PCCA: variants seen among roughly 807,000 people sequenced by gnomAD.
The protein encoded by PCCA is propionyl-CoA carboxylase alpha chain, mitochondrial.
PCCA carries 74 observed loss-of-function variants against 101.3 expected under a neutral mutation model. The observed-to-expected ratio is 0.73, with a 90% CI of 0.61 to 0.89. The LOEUF (loss-of-function observed/expected upper bound fraction) is 0.89. PCCA is among the 40% of genes least tolerant of loss of function. The pLI, the probability that PCCA is intolerant of heterozygous loss-of-function variation, is 0.00. For missense variants in PCCA, 891 were observed against 907.0 expected (o/e 0.98, Z 0.23); for synonymous variants, 294 against 313.6 (o/e 0.94, Z 0.66).
intron 4 of PCCA, among the ~76,000 whole-genome samples, chr13:100,141,973 T>C (rs934022537): frequency 6.6e-6 from 1 of 152,212 alleles, no homozygotes; most frequent in Non-Finnish European, 1.5e-5. Flanking sequence ...TAAATGGAAT[T>C]AGGAACTAAT....
chr13:100,424,338 C>G (rs2079007459), intron 19 of PCCA, among the ~76,000 whole-genome samples: 1 of 152,056 alleles, frequency 6.6e-6, no homozygotes, highest in Non-Finnish European at 1.5e-5. Flanking sequence ...AACCCGCCTC[C>G]CATGGATTCC....
intron 19 of PCCA, among the ~76,000 whole-genome samples, chr13:100,382,897 A>G (rs1343255326): frequency 6.6e-6 from 1 of 152,160 alleles, no homozygotes; most frequent in Non-Finnish European, 1.5e-5. Flanking sequence ...AACCAGTTAA[A>G]TCTATGAGAA....
At chr13:100,443,858 A>G (rs2080562753) in intron 20 of PCCA, among the ~76,000 whole-genome samples, 1 of 152,134 alleles carries the variant, frequency 6.6e-6, no homozygotes, top group African/African-American at 2.4e-5. Context: ...TGCTTAGCAC[A>G]TCAGGCTCCT....
intron 12 of PCCA, among the ~76,000 whole-genome samples, chr13:100,298,747 C>T (rs1048400916): frequency 1.5e-5 from 2 of 136,242 alleles, no homozygotes. Flanking sequence ...TCCTTCCGTC[C>T]TTCCTTCCGT....
chr13:100,207,042 G>A (rs1478676499), intron 6 of PCCA, among the ~76,000 whole-genome samples: 1 of 152,168 alleles, frequency 6.6e-6, no homozygotes, highest in African/African-American at 2.4e-5. Context: ...TCCTTATGCA[G>A]GCTCCGGTGT....
intron 21 of PCCA, among the ~76,000 whole-genome samples, chr13:100,455,649 G>A (rs144544621): frequency 4.8e-4 from 73 of 152,200 alleles, no homozygotes; most frequent in African/African-American, 1.6e-3. Flanking sequence ...ACTACTACCC[G>A]AAGCATTTTG....
At chr13:100,357,399 G>A (rs1256610172) in intron 18 of PCCA, among the ~76,000 whole-genome samples, 1 of 152,216 alleles carries the variant, frequency 6.6e-6, no homozygotes, top group Non-Finnish European at 1.5e-5. Context: ...TTTAGTGCAA[G>A]AGTAGCTCTT....
At chr13:100,181,797 G>C (rs1170498074) in intron 6 of PCCA, among the ~76,000 whole-genome samples, 1 of 137,164 alleles carries the variant, frequency 7.3e-6, no homozygotes, top group Non-Finnish European at 1.5e-5. Flanking sequence ...ATGGAATCTC[G>C]CTCTGTCGCC....
At position 100,485,042 on chromosome 13, in the gene PCCA, CCT is replaced by C. The variant is rs372225785; in HGVS notation, c.1900-30371_1900-30370del. ...TCACTGACTCTCCCTCCCTTCCTGCCCTCTCTCTCTCTCTCATATGAAATGAG... is the reference window on the plus strand; with the variant it reads ...TCACTGACTCTCCCTCCCTTCCTGCCCTCTCTCTCTCTCATATGAAATGAG... On this transcript the variant is annotated intron_variant, in intron 21 of 23. Coordinates refer to ENST00000376285, the MANE Select transcript of PCCA (RefSeq NM_000282.4). 2.6e-5 allele frequency among the ~76,000 whole-genome samples: 4 copies of C among 151,232 alleles called. No individual in the cohort carries two copies. In the South Asian group the frequency reaches 6.3e-4, roughly 24 times the overall value.
At chr13:100,185,874 C>T (rs1326746596) in intron 6 of PCCA, among the ~76,000 whole-genome samples, 3 of 152,008 alleles carry the variant, frequency 2.0e-5, no homozygotes, top group East Asian at 1.9e-4. Flanking sequence ...CTCGAACTCC[C>T]GACCTCAGGC....
intron 18 of PCCA, among the ~76,000 whole-genome samples, chr13:100,364,410 A>G (rs941465739): frequency 1.3e-5 from 2 of 152,350 alleles, no homozygotes; most frequent in East Asian, 3.9e-4. Context: ...ATTAATAAGA[A>G]TGTTTCAAAG....
intron 2 of PCCA, among the ~76,000 whole-genome samples, chr13:100,110,025 T>C (rs980864031): frequency 6.6e-6 from 1 of 151,892 alleles, no homozygotes; most frequent in African/African-American, 2.4e-5. Context: ...TCCCAGCTAT[T>C]AGGAGGCTGA....
chr13:100,327,601 G>T (rs1257526805), intron 16 of PCCA, among the ~76,000 whole-genome samples: 1 of 152,208 alleles, frequency 6.6e-6, no homozygotes, highest in East Asian at 1.9e-4. Context: ...GGAGTGAGTT[G>T]TCTGAATCAG....
intron 19 of PCCA, among the ~76,000 whole-genome samples, chr13:100,400,282 G>A (rs1299440242): frequency 1.3e-5 from 2 of 152,166 alleles, no homozygotes; most frequent in Non-Finnish European, 2.9e-5. Context: ...ACCCTCTGCT[G>A]TTGTCAGGTT....
intron 8 of PCCA, among the ~76,000 whole-genome samples, chr13:100,246,536 C>T (rs2061437401): frequency 6.6e-6 from 1 of 152,048 alleles, no homozygotes; most frequent in Non-Finnish European, 1.5e-5. Context: ...CCATGTTGCC[C>T]AGGCTGGTCT....
At chr13:100,233,864 G>C (rs999978880) in intron 7 of PCCA, among the ~76,000 whole-genome samples, 1 of 152,158 alleles carries the variant, frequency 6.6e-6, no homozygotes, top group Non-Finnish European at 1.5e-5. Flanking sequence ...TGGATTTGTG[G>C]CAGTGGAATT....
At chr13:100,311,362 G>A (rs914618682) in intron 16 of PCCA, among the ~76,000 whole-genome samples, 13 of 152,132 alleles carry the variant, frequency 8.5e-5, no homozygotes, top group Non-Finnish European at 1.5e-4. Flanking sequence ...TTACTGGTGA[G>A]GATTAACTGA....
intron 10 of PCCA, among the ~76,000 whole-genome samples, chr13:100,265,138 G>A (rs1393864517): frequency 6.6e-6 from 1 of 152,148 alleles, no homozygotes; most frequent in Non-Finnish European, 1.5e-5. Context: ...CATGCGGCTT[G>A]CCTGTTCACT....
chr13:100,478,048 A>G (rs1027841885), intron 21 of PCCA, among the ~76,000 whole-genome samples: 8 of 152,318 alleles, frequency 5.3e-5, no homozygotes, highest in East Asian at 1.9e-4. Context: ...TTTCTTAGCA[A>G]ATGATCAGCT....
Sources: allele counts gnomAD v4.1 joint callset (sites outside exome capture counted in the v4.1 genomes callset), GRCh38; gene constraint gnomAD v4.1.1; transcripts MANE v1.5; gene names NCBI Gene and HGNC (gene_info 2026-07-23, HGNC 2026-07-21).